The following NPAS3 variants were observed in gnomAD, a reference collection of about 807,000 sequenced individuals.
NPAS3 encodes neuronal PAS domain protein 3.
NPAS3 carries 14 observed loss-of-function variants against 73.1 expected under a neutral mutation model. The observed-to-expected ratio is 0.19, with a 90% CI of 0.13 to 0.30. The LOEUF (loss-of-function observed/expected upper bound fraction) is 0.30, where lower values mean the gene tolerates loss of function less well. Among genes scored for constraint, NPAS3 ranks in the 10% least tolerant of loss-of-function variants. The probability of loss-of-function intolerance (pLI) is 1.00; values close to 1 mark genes in which losing one functional copy is unlikely to be tolerated. For missense variants in NPAS3, 1,096 were observed against 1,250.0 expected, an observed-to-expected ratio of 0.88 and a Z score of 1.86; for synonymous variants, 620 against 541.5, an observed-to-expected ratio of 1.14 and a Z score of -2.01.
chr14:33,497,824 A>G (rs144173338), intron 4 of NPAS3, among the ~76,000 whole-genome samples: 107 of 152,332 alleles, frequency 7.0e-4, no homozygotes, highest in Non-Finnish European at 1.1e-3. Context: ...AGCAATGGCA[A>G]CAAAAGCCAA....
At chr14:33,498,302 G>A (rs1368852928) in intron 4 of NPAS3, among the ~76,000 whole-genome samples, 2 of 152,098 alleles carry the variant, frequency 1.3e-5, no homozygotes, top group Non-Finnish European at 2.9e-5. Flanking sequence ...CAAGGACCTA[G>A]AACCAGAAAT....
At chr14:33,770,652 C>A (rs559666802) in intron 7 of NPAS3, among the ~76,000 whole-genome samples, 1 of 152,286 alleles carries the variant, frequency 6.6e-6, no homozygotes, top group Non-Finnish European at 1.5e-5. Context: ...GTAATCCCAG[C>A]ACTTTGGGAG....
At chr14:33,133,880 G>A (rs1353853091) in intron 2 of NPAS3, among the ~76,000 whole-genome samples, 2 of 152,152 alleles carry the variant, frequency 1.3e-5, no homozygotes, top group Non-Finnish European at 2.9e-5. Flanking sequence ...AAATTTCTTG[G>A]ATTGTGGTCC....
At chr14:33,371,707 C>T (rs2046096898) in intron 4 of NPAS3, among the ~76,000 whole-genome samples, 1 of 151,868 alleles carries the variant, frequency 6.6e-6, no homozygotes, top group Admixed American at 6.6e-5. Flanking sequence ...TGTGTAAACG[C>T]AAAGAGAAGA....
intron 2 of NPAS3, among the ~76,000 whole-genome samples, chr14:33,115,898 A>C (rs2043048332): frequency 6.6e-6 from 1 of 152,146 alleles, no homozygotes; most frequent in Admixed American, 6.6e-5. Flanking sequence ...TGTAAATTAA[A>C]GTCTATTTTA....
At chr14:33,605,647 T>G (rs1297359189) in intron 5 of NPAS3, among the ~76,000 whole-genome samples, 1 of 152,142 alleles carries the variant, frequency 6.6e-6, no homozygotes, top group Non-Finnish European at 1.5e-5. Flanking sequence ...CTTAAGTACT[T>G]CAACACTTAA....
At chr14:33,552,271 G>T (rs1197395982) in intron 4 of NPAS3, among the ~76,000 whole-genome samples, 1 of 152,224 alleles carries the variant, frequency 6.6e-6, no homozygotes, top group Non-Finnish European at 1.5e-5. Flanking sequence ...TACCCAGCAG[G>T]TGGTCTCAGC....
At chr14:33,250,486 G>A (rs938684540) in intron 3 of NPAS3, among the ~76,000 whole-genome samples, 8 of 151,950 alleles carry the variant, frequency 5.3e-5, no homozygotes, top group African/African-American at 1.4e-4. Flanking sequence ...TTTTCCAAGC[G>A]AACAAATAAC....
chr14:33,682,710 C>A (rs1384473020), intron 6 of NPAS3, among the ~76,000 whole-genome samples: 1 of 152,230 alleles, frequency 6.6e-6, no homozygotes, highest in Non-Finnish European at 1.5e-5. Flanking sequence ...TTCTGGTATG[C>A]AAGGCCTAGG....
chr14:33,559,970 A>G (rs921700543), intron 4 of NPAS3, 151 bp from the exon 5 acceptor site: 5 of 430,594 alleles, frequency 1.2e-5, no homozygotes, highest in Non-Finnish European at 2.1e-5. Context: ...AGATTGTGCC[A>G]CTGCACTCTA....
At chr14:33,776,816 G>A (rs889158214) in intron 8 of NPAS3, among the ~76,000 whole-genome samples, 1 of 152,148 alleles carries the variant, frequency 6.6e-6, no homozygotes, top group Non-Finnish European at 1.5e-5. Flanking sequence ...TGATCCTGGT[G>A]TAGGTCATCC....
chr14:33,217,436 A>T (rs992656764), intron 3 of NPAS3, among the ~76,000 whole-genome samples: 2 of 152,186 alleles, frequency 1.3e-5, no homozygotes, highest in African/African-American at 2.4e-5. Context: ...TTTATTCCAG[A>T]TCACACAAGA....
At chr14:33,654,182 T>C (rs2059079190) in intron 5 of NPAS3, among the ~76,000 whole-genome samples, 1 of 152,192 alleles carries the variant, frequency 6.6e-6, no homozygotes, top group Admixed American at 6.5e-5. Context: ...TGTGCCATTT[T>C]TTTTTTTCAA....
At chr14:32,940,422 T>C (rs2035941673) in intron 1 of NPAS3, among the ~76,000 whole-genome samples, 1 of 152,246 alleles carries the variant, frequency 6.6e-6, no homozygotes, top group African/African-American at 2.4e-5. Context: ...TTCTTTGGAA[T>C]CCTATTTACT....
chr14:33,367,660 T>A (rs1004493008), intron 4 of NPAS3, among the ~76,000 whole-genome samples: 1 of 151,962 alleles, frequency 6.6e-6, no homozygotes, highest in African/African-American at 2.4e-5. Context: ...CTGTGATTTT[T>A]TTTTTTTTGT....
Position 33,093,558 on chromosome 14 carries a change from C to T in NPAS3, c.140+37564C>T, listed in dbSNP as rs10150302. 7.1e-3 allele frequency among the ~76,000 whole-genome samples: 1,083 copies of T among 152,192 alleles called. 10 individuals carry two copies. Among genetic ancestry groups the T allele is most frequent in the African/African-American group, 0.021 (888 of 41,536 alleles). ...AGTTCAACCATTGTGGAAGACAGTG[C>T]GGCGATTCCTCAGGGATCTAGAACT... is the stretch of plus-strand genomic sequence containing the variant. On this transcript the variant is annotated intron_variant, in intron 2 of 11. Transcript: ENST00000356141.
intron 4 of NPAS3, among the ~76,000 whole-genome samples, chr14:33,530,802 AT>A (rs1487777546): frequency 1.3e-5 from 2 of 152,042 alleles, no homozygotes; most frequent in African/African-American, 4.8e-5. Flanking sequence ...AGGAGAGGTT[AT>A]TTCATGGTGG....
chr14:33,524,834 G>A (rs1216358310), intron 4 of NPAS3, among the ~76,000 whole-genome samples: 3 of 152,094 alleles, frequency 2.0e-5, no homozygotes, highest in Non-Finnish European at 2.9e-5. Context: ...ACATCATTCC[G>A]ATCTCTGCCT....
At position 33,655,596 on chromosome 14, in the gene NPAS3, C is replaced by T. The variant is rs551218248; in HGVS notation, c.559-20615C>T. On this transcript the variant is annotated intron_variant, in intron 5 of 11. Transcript: ENST00000356141. The stretch of plus-strand genomic sequence containing the variant: ...CATTACCGGAAATTTTACAAATGCA[C>T]GTAGCACTAGGGATATTAACTCAGC... Among the ~76,000 whole-genome samples, 103 of 152,230 alleles carry T rather than the reference C, an allele frequency of 6.8e-4. No individual in the cohort carries two copies. The Middle Eastern group carries it at 0.014, about 20-fold the overall frequency.
Sources: allele counts gnomAD v4.1 joint callset (sites outside exome capture counted in the v4.1 genomes callset), GRCh38; gene constraint gnomAD v4.1.1; transcripts MANE v1.5; gene names NCBI Gene and HGNC (gene_info 2026-07-23, HGNC 2026-07-21).